Variants in ZC3HAV1 observed in about 807,000 individuals in gnomAD.
ZC3HAV1 encodes the protein zinc finger CCCH-type containing, antiviral 1, also known as zinc finger CCCH-type antiviral protein 1.
In ZC3HAV1, 41 loss-of-function variants were observed where a neutral mutation model predicts 86.6. That is an observed-to-expected ratio of 0.47 (90% CI 0.37 to 0.61). ZC3HAV1 has a LOEUF of 0.61. Ranked by LOEUF, ZC3HAV1 falls within the 20% of genes least tolerant of loss-of-function variation. ZC3HAV1 has a pLI of 0.00. For synonymous variants in ZC3HAV1, 421 were observed against 432.1 expected (o/e 0.97, Z 0.32); for missense variants, 964 against 1,141.1 (o/e 0.84, Z 2.24).
At chr7:139,051,966 GTTTT>G (rs796648556) in intron 12 of ZC3HAV1, among the ~76,000 whole-genome samples, 3 of 147,566 alleles carry the variant, frequency 2.0e-5, no homozygotes, top group Non-Finnish European at 4.5e-5. Context: ...CTGATTCTTA[GTTTT>G]TTTTTTGTTT....
At chr7:139,048,358 C>A (rs748390158) in intron 12 of ZC3HAV1, among the ~76,000 whole-genome samples, 5 of 152,144 alleles carry the variant, frequency 3.3e-5, no homozygotes, top group East Asian at 1.9e-4. Flanking sequence ...GTAATCCCAG[C>A]ATTATGGGAG....
chr7:139,089,526 C>T, intron 2 of ZC3HAV1, 98 bp downstream of exon 2: 1 of 1,415,444 alleles, frequency 7.1e-7, no homozygotes, highest in Non-Finnish European at 9.4e-7. Context: ...AGAACCCTGG[C>T]ATTAATTTTG....
chr7:139,081,141 C>T (rs193163735), intron 3 of ZC3HAV1, among the ~76,000 whole-genome samples: 5 of 151,850 alleles, frequency 3.3e-5, no homozygotes, highest in African/African-American at 7.3e-5. Flanking sequence ...GTGTGTGTGG[C>T]GTGCATGCAC....
intron 1 of ZC3HAV1, among the ~76,000 whole-genome samples, chr7:139,102,728 TACACACACACACACAC>T (rs113108708): frequency 0.011 from 1,593 of 139,398 alleles, 21 homozygotes; most frequent in African/African-American, 0.034. Context: ...ACTGTCTCTA[TACACACACACACACAC>T]ACACACACAC....
chr7:139,047,749 C>T lies in ZC3HAV1; in HGVS notation c.2554G>A (p.Glu852Lys). Residue 852 changes from glutamate (E) to lysine (K), a missense_variant, in exon 13 of 13, where the codon GAA becomes AAA. Coordinates refer to ENST00000242351, the MANE Select transcript of ZC3HAV1 (RefSeq NM_020119.4). ...VAQVLVGKFTEGNITYTSPPP... is the reference protein window; with the variant it reads ...VAQVLVGKFTKGNITYTSPPP... ...GGGCTCGTGTACGTTATATTTCCTTCAGTAAACTTTCCAACCAGAACTTGG... is the reference window on the plus strand; with the variant it reads ...GGGCTCGTGTACGTTATATTTCCTTTAGTAAACTTTCCAACCAGAACTTGG... 2 of 1,614,140 alleles carry T rather than the reference C, an allele frequency of 1.2e-6. No homozygotes were observed. The highest frequency in any genetic ancestry group is 1.7e-6 in the Non-Finnish European group (2 of 1,180,026).
At chr7:139,095,688 A>G (rs1817564953) in intron 1 of ZC3HAV1, among the ~76,000 whole-genome samples, 1 of 152,234 alleles carries the variant, frequency 6.6e-6, no homozygotes, top group African/African-American at 2.4e-5. Flanking sequence ...TGGGACAAAC[A>G]GCACCGGTGC....
At position 139,109,669 on chromosome 7, in the gene ZC3HAV1, T is replaced by G. The variant is rs1584881688; in HGVS notation, c.-338A>C. 1 of 247,322 alleles carries G rather than the reference T, an allele frequency of 4.0e-6. No homozygotes were observed. 15.3% of individuals were successfully genotyped at this position (247,322 alleles called of 1,614,324 possible). On this transcript the variant is annotated 5_prime_UTR_variant, in exon 1 of 13. Transcript: ENST00000242351. ...GGTTCTAGGCTCGGCGAGGGTGAGGTTCTCCAGCCGGGCTCCGCGAGCCTT... is the reference window on the plus strand; with the variant it reads ...GGTTCTAGGCTCGGCGAGGGTGAGGGTCTCCAGCCGGGCTCCGCGAGCCTT...
At position 139,047,807 on chromosome 7, in the gene ZC3HAV1, C is replaced by T. The variant is rs201429462; in HGVS notation, c.2496G>A (p.Pro832=). The T allele has an allele frequency of 2.7e-5, 44 of 1,613,592 alleles. No homozygotes were observed. The highest frequency in any genetic ancestry group is 6.7e-5 in the African/African-American group (5 of 74,840). Residue 832 remains proline (P), a synonymous_variant, in exon 13 of 13, where the codon CCG becomes CCA. Coordinates refer to ENST00000242351, the MANE Select transcript of ZC3HAV1 (RefSeq NM_020119.4). The part of the protein sequence containing the change: ...KDAIYSHKNC[P]YDAKNVVMFV... ...ACATAACGACGTTTTTGGCATCATACGGGCAATTTTTGTGGGAATAGATGG... is the reference window on the plus strand; with the variant it reads ...ACATAACGACGTTTTTGGCATCATATGGGCAATTTTTGTGGGAATAGATGG...
At chr7:139,095,871 G>A (rs998401754) in intron 1 of ZC3HAV1, among the ~76,000 whole-genome samples, 6 of 152,086 alleles carry the variant, frequency 3.9e-5, no homozygotes, top group South Asian at 2.1e-4. Flanking sequence ...GGTAGGAGAC[G>A]GGCATCAGTA....
intron 7 of ZC3HAV1, among the ~76,000 whole-genome samples, chr7:139,073,033 C>T (rs187575297): frequency 3.1e-4 from 47 of 152,282 alleles, no homozygotes; most frequent in African/African-American, 8.9e-4. Context: ...CAGTGGCTCA[C>T]GTCTGTAATC....
At chr7:139,100,909 A>G (rs933160068) in intron 1 of ZC3HAV1, among the ~76,000 whole-genome samples, 17 of 151,894 alleles carry the variant, frequency 1.1e-4, no homozygotes, top group Admixed American at 8.5e-4. Context: ...GCTGGACTGT[A>G]CTGCTGCCAT....
At chr7:139,086,207 C>G (rs1025477305) in intron 2 of ZC3HAV1, among the ~76,000 whole-genome samples, 1 of 152,128 alleles carries the variant, frequency 6.6e-6, no homozygotes, top group Non-Finnish European at 1.5e-5. Flanking sequence ...TTAGAGCCTT[C>G]TCTTGCCCAG....
intron 12 of ZC3HAV1, among the ~76,000 whole-genome samples, chr7:139,050,829 A>C (rs1816099548): frequency 6.6e-6 from 1 of 152,220 alleles, no homozygotes; most frequent in Non-Finnish European, 1.5e-5. Context: ...TCACTGATAC[A>C]TTTAAACTTA....
rs773079663 is a variant in ZC3HAV1, at chr7:139,079,861, C to T, written c.1080G>A (p.Lys360=). The T allele has an allele frequency of 2.5e-6, 4 of 1,614,178 alleles. No individual in the cohort carries two copies. In the South Asian group the frequency reaches 3.3e-5, roughly 13 times the overall value. Residue 360 remains lysine, a synonymous_variant, in exon 4 of 13, where the codon AAG becomes AAA. Transcript: ENST00000242351. ...GGTCATTCGTCCAGGATGTGAGGCT[C>T]TTCCAGTTGGGGGCTGATGTTGAAT... ...ASNSTSAPNW[K]SLTSWTNDQG...
intron 1 of ZC3HAV1, among the ~76,000 whole-genome samples, chr7:139,096,485 G>A (rs571673738): frequency 2.8e-4 from 43 of 152,278 alleles, no homozygotes; most frequent in Non-Finnish European, 5.1e-4. Flanking sequence ...TCAGGATCCT[G>A]TGAGTGACAA....
chr7:139,079,005 C>A, intron 4 of ZC3HAV1: 1 of 1,466,474 alleles, frequency 6.8e-7, no homozygotes. Flanking sequence ...AACTCTCTAC[C>A]CTTTAAGAAC....
At chr7:139,074,140 T>A in intron 6 of ZC3HAV1, 110 bp from the exon 7 acceptor site, 1 of 1,087,256 alleles carries the variant, frequency 9.2e-7, no homozygotes, top group Non-Finnish European at 1.3e-6. Flanking sequence ...CTAAAATAGA[T>A]CTTCAAGTTT....
At chr7:139,052,784 C>A (rs117216682) in intron 12 of ZC3HAV1, among the ~76,000 whole-genome samples, 1,512 of 151,200 alleles carry the variant, frequency 0.01, 11 homozygotes, top group South Asian at 0.023. Context: ...AAAAAATTAG[C>A]TGGATGTGGT....
At chr7:139,082,054 C>T (rs1817141085) in intron 3 of ZC3HAV1, among the ~76,000 whole-genome samples, 1 of 152,178 alleles carries the variant, frequency 6.6e-6, no homozygotes, top group South Asian at 2.1e-4. Context: ...CACTTGAGGT[C>T]AGGAGTTCAA....
Sources: gnomAD v4.1 joint callset for allele counts (sites outside exome capture counted in the v4.1 genomes callset) on GRCh38, gnomAD v4.1.1 for gene constraint, MANE v1.5 for transcripts, NCBI Gene and HGNC (gene_info 2026-07-23, HGNC 2026-07-21) for gene names.